Variants in ADAMTS12 observed in about 807,000 individuals in gnomAD.
ADAMTS12 encodes the protein A disintegrin and metalloproteinase with thrombospondin motifs 12.
ADAMTS12 carries 118 observed loss-of-function variants against 167.8 expected under a neutral mutation model. The ratio of observed to expected loss-of-function variants is 0.70; its 90% CI spans 0.61 to 0.82. ADAMTS12 has a LOEUF of 0.82. Among genes scored for constraint, ADAMTS12 ranks in the 40% least tolerant of loss-of-function variants. The pLI is 0.00. For synonymous variants in ADAMTS12, 704 were observed against 716.9 expected (o/e 0.98, Z 0.29); for missense variants, 1,916 against 1,998.8 (o/e 0.96, Z 0.79).
intron 23 of ADAMTS12, 142 bp downstream of exon 23, chr5:33,534,691 G>T: frequency 9.1e-7 from 1 of 1,103,514 alleles, no homozygotes; most frequent in Non-Finnish European, 1.3e-6. Flanking sequence ...CAGATAGTTT[G>T]TTCCCAGGGT....
chr5:33,809,134 G>A (rs760124106), intron 2 of ADAMTS12, among the ~76,000 whole-genome samples: 1 of 152,266 alleles, frequency 6.6e-6, no homozygotes, highest in Non-Finnish European at 1.5e-5. Flanking sequence ...TTGAATGATA[G>A]TTCACTTCAT....
intron 3 of ADAMTS12, among the ~76,000 whole-genome samples, chr5:33,739,058 A>C (rs1255129316): frequency 6.6e-6 from 1 of 152,152 alleles, no homozygotes; most frequent in East Asian, 1.9e-4. Flanking sequence ...GGTTAAACAA[A>C]GAGTTTAACC....
chr5:33,561,321 G>T, intron 19 of ADAMTS12, 142 bp from the exon 20 acceptor site: 4 of 1,015,930 alleles, frequency 3.9e-6, no homozygotes, highest in Non-Finnish European at 5.5e-6. Context: ...AACACTTGGG[G>T]CACCCCACTC....
intron 3 of ADAMTS12, among the ~76,000 whole-genome samples, chr5:33,717,004 A>G (rs1039708008): frequency 3.1e-4 from 47 of 152,182 alleles, no homozygotes; most frequent in African/African-American, 9.4e-4. Context: ...TGCAAAAGGG[A>G]AAAACTGGGA....
chr5:33,738,684 G>C (rs1337420427), intron 3 of ADAMTS12, among the ~76,000 whole-genome samples: 5 of 152,186 alleles, frequency 3.3e-5, no homozygotes. Context: ...TCGCTATGTT[G>C]GTCAGTTTCC....
intron 3 of ADAMTS12, among the ~76,000 whole-genome samples, chr5:33,733,101 T>G (rs985329357): frequency 1.3e-5 from 2 of 151,912 alleles, no homozygotes; most frequent in Non-Finnish European, 2.9e-5. Context: ...AATAACATAT[T>G]CACAAATAGT....
intron 2 of ADAMTS12, among the ~76,000 whole-genome samples, chr5:33,856,283 G>C (rs1413325395): frequency 2.0e-5 from 3 of 152,170 alleles, no homozygotes; most frequent in African/African-American, 7.2e-5. Context: ...AAATAACTCA[G>C]GCTTTGGAAA....
chr5:33,847,064 A>G (rs1579987374), intron 2 of ADAMTS12, among the ~76,000 whole-genome samples: 2 of 152,324 alleles, frequency 1.3e-5, no homozygotes, highest in East Asian at 3.9e-4. Context: ...GGGAAAACAA[A>G]CAACTTCGTG....
At chr5:33,863,322 G>C (rs1267395842) in intron 2 of ADAMTS12, among the ~76,000 whole-genome samples, 1 of 152,182 alleles carries the variant, frequency 6.6e-6, no homozygotes. Context: ...ATTTCCTTAA[G>C]CTGATAAGCA....
At chr5:33,681,666 T>C (rs1050673601) in intron 5 of ADAMTS12, among the ~76,000 whole-genome samples, 1 of 151,834 alleles carries the variant, frequency 6.6e-6, no homozygotes, top group African/African-American at 2.4e-5. Flanking sequence ...ATAAGAGGGG[T>C]CTACTTTGAA....
chr5:33,636,316 G>A (rs765852803), intron 12 of ADAMTS12, among the ~76,000 whole-genome samples: 4 of 152,112 alleles, frequency 2.6e-5, no homozygotes, highest in South Asian at 2.1e-4. Context: ...TCAAGAATGC[G>A]CAGGATATAC....
intron 9 of ADAMTS12, among the ~76,000 whole-genome samples, chr5:33,646,428 G>C (rs1740665804): frequency 6.6e-6 from 1 of 152,062 alleles, no homozygotes; most frequent in African/African-American, 2.4e-5. Flanking sequence ...TTCATATAAG[G>C]CCTTGAGTGA....
chr5:33,541,588 G>C (rs1400998530), intron 22 of ADAMTS12, among the ~76,000 whole-genome samples: 1 of 152,170 alleles, frequency 6.6e-6, no homozygotes, highest in African/African-American at 2.4e-5. Context: ...CAGAGAGAAA[G>C]GTCGGGTTAC....
At position 33,630,876 on chromosome 5, in the gene ADAMTS12, G is replaced by A. The variant is rs1325985873; in HGVS notation, c.1926C>T (p.Gly642=). 1.9e-6 allele frequency: 3 copies of A among 1,613,564 alleles called. No homozygotes were observed. The highest frequency in any genetic ancestry group is 1.7e-6 in the Non-Finnish European group (2 of 1,179,670). Residue 642 remains glycine (G), a synonymous_variant, in exon 13 of 24, where the codon GGC becomes GGT. Coordinates refer to ENST00000504830, the MANE Select transcript of ADAMTS12 (RefSeq NM_030955.4). The part of the protein sequence containing the change: ...PCELYCRPID[G]QFSEKMLDAV... ...CATCCAGCATTTTCTCAGAAAACTG[G>A]CCATCTATGGGTCGGCAGTAGAGCT...
chr5:33,743,313 G>T (rs1744662622), intron 3 of ADAMTS12, among the ~76,000 whole-genome samples: 1 of 152,182 alleles, frequency 6.6e-6, no homozygotes, highest in Non-Finnish European at 1.5e-5. Context: ...AAATGAGACT[G>T]GAAGAATGCC....
chr5:33,560,810 A>G lies in ADAMTS12; in HGVS notation c.4125+217T>C, dbSNP rs113082425. ...GGGGAGGGATAGCATTAGGAGATAT[A>G]CCTAATGTAAATGACGAGTTAATGG... On this transcript the variant is annotated intron_variant, in intron 20 of 23. Transcript: ENST00000504830. 8.7e-3 allele frequency among the ~76,000 whole-genome samples: 1,293 copies of G among 149,332 alleles called. 21 individuals are homozygous for G. Among genetic ancestry groups the G allele is most frequent in the South Asian group, 0.027 (123 of 4,576 alleles).
intron 15 of ADAMTS12, among the ~76,000 whole-genome samples, 180 bp downstream of exon 15, chr5:33,615,648 A>G (rs988897286): frequency 3.3e-5 from 5 of 152,200 alleles, no homozygotes; most frequent in Non-Finnish European, 5.9e-5. Flanking sequence ...TGGGGGTTTC[A>G]GCAATATCTA....
At chr5:33,845,437 A>C (rs1218660082) in intron 2 of ADAMTS12, among the ~76,000 whole-genome samples, 2 of 152,236 alleles carry the variant, frequency 1.3e-5, no homozygotes, top group Non-Finnish European at 2.9e-5. Context: ...AAACTGAGAT[A>C]ATTGAATATC....
At chr5:33,584,568 A>G (rs1008227934) in intron 18 of ADAMTS12, among the ~76,000 whole-genome samples, 1 of 152,226 alleles carries the variant, frequency 6.6e-6, no homozygotes, top group African/African-American at 2.4e-5. Context: ...TCAGAGTAGC[A>G]TGGAAAACAG....
Sources: allele counts gnomAD v4.1 joint callset (sites outside exome capture counted in the v4.1 genomes callset), GRCh38; gene constraint gnomAD v4.1.1; transcripts MANE v1.5; gene names NCBI Gene and HGNC (gene_info 2026-07-23, HGNC 2026-07-21).